Variants in TENM4 observed in about 807,000 individuals in gnomAD.
TENM4 encodes the protein teneurin-4.
Under a neutral mutation model 243.3 loss-of-function variants are expected in TENM4, and 82 were observed. The observed-to-expected ratio is 0.34, with a 90% CI of 0.28 to 0.40. The LOEUF (loss-of-function observed/expected upper bound fraction) is 0.40, where lower values mean the gene tolerates loss of function less well. TENM4 is among the 10% of genes least tolerant of loss of function. The probability of loss-of-function intolerance (pLI) is 1.00; values close to 1 mark genes in which losing one functional copy is unlikely to be tolerated. For missense variants in TENM4, 3,138 were observed against 3,673.3 expected (o/e 0.85, Z 3.77); for synonymous variants, 1,412 against 1,456.3 (o/e 0.97, Z 0.69).
intron 6 of TENM4, among the ~76,000 whole-genome samples, chr11:78,992,188 G>T (rs1287404473): frequency 6.6e-6 from 1 of 152,224 alleles, no homozygotes; most frequent in Non-Finnish European, 1.5e-5. Flanking sequence ...AGAACGAGCA[G>T]CTTCTAAGAG....
Position 78,805,338 on chromosome 11 carries a change from C to T in TENM4, c.2133G>A (p.Gly711=). Residue 711 remains glycine (G), a synonymous_variant, in exon 15 of 34, where the codon GGG becomes GGA. Coordinates refer to ENST00000278550, the MANE Select transcript of TENM4 (RefSeq NM_001098816.3). ...SGHGTFLPDT[G]LCSCDPSWTG... ...TCCAGCTTGGGTCACAGCTGCAAAG[C>T]CCGGTGTCCGGGAGGAAGGTTCCGT... is the stretch of plus-strand genomic sequence containing the variant. The T allele has an allele frequency of 1.4e-6, 2 of 1,406,296 alleles. No individual in the cohort carries two copies. The highest frequency in any genetic ancestry group is 9.3e-7 in the Non-Finnish European group (1 of 1,076,142). 87.1% of individuals were successfully genotyped at this position (1,406,296 alleles called of 1,614,324 possible).
chr11:78,934,503 G>T (rs1271158617), intron 6 of TENM4, among the ~76,000 whole-genome samples: 1 of 152,158 alleles, frequency 6.6e-6, no homozygotes, highest in Non-Finnish European at 1.5e-5. Context: ...GGTTAGACTG[G>T]CGGACCTGGA....
chr11:79,412,241 T>A (rs961050925), intron 1 of TENM4, among the ~76,000 whole-genome samples: 14 of 152,212 alleles, frequency 9.2e-5, no homozygotes, highest in Admixed American at 6.5e-4. Flanking sequence ...GCCTGCCACG[T>A]AAGGATAACC....
chr11:78,875,110 T>A (rs989951857), intron 9 of TENM4, among the ~76,000 whole-genome samples: 2 of 152,224 alleles, frequency 1.3e-5, no homozygotes, highest in Non-Finnish European at 2.9e-5. Flanking sequence ...TGAAGCACTT[T>A]GGGTGCAAAC....
At chr11:78,814,137 C>T (rs1189472273) in intron 13 of TENM4, among the ~76,000 whole-genome samples, 157 bp downstream of exon 13, 1 of 152,148 alleles carries the variant, frequency 6.6e-6, no homozygotes, top group Admixed American at 6.5e-5. Flanking sequence ...TCTGCCTGCA[C>T]ACCTCCCTCC....
intron 7 of TENM4, among the ~76,000 whole-genome samples, chr11:78,897,912 T>C (rs1855835618): frequency 6.6e-6 from 1 of 152,168 alleles, no homozygotes; most frequent in South Asian, 2.1e-4. Context: ...ACCCCAGGCT[T>C]CCCTACCAGG....
intron 4 of TENM4, 55 bp downstream of exon 4, chr11:79,148,655 A>G (rs1307896108): frequency 2.0e-6 from 1 of 508,364 alleles, no homozygotes; most frequent in African/African-American, 2.1e-5. Flanking sequence ...AAAAGAACCC[A>G]TAACATTAAC....
intron 7 of TENM4, among the ~76,000 whole-genome samples, chr11:78,892,283 A>G (rs1401798283): frequency 6.6e-6 from 1 of 152,186 alleles, no homozygotes; most frequent in Non-Finnish European, 1.5e-5. Context: ...CAGGACAGCT[A>G]TCACCTCACT....
chr11:78,771,247 C>A, intron 17 of TENM4, 109 bp from the exon 18 acceptor site: 10 of 1,329,434 alleles, frequency 7.5e-6, no homozygotes, highest in Non-Finnish European at 1.0e-5. Flanking sequence ...TCCATCAGCA[C>A]ACGAATGCCC....
rs954932199 is a variant in TENM4, at chr11:78,903,632, T to G, written c.494-109A>C. The G allele has an allele frequency of 7.4e-6, 11 of 1,483,822 alleles. No homozygotes were observed. The African/African-American group carries it at 1.4e-4, about 19-fold the overall frequency. The allele number at this position is 1,483,822 out of a possible 1,614,324, so 91.9% of individuals were successfully genotyped here. A position where few individuals can be genotyped will look rare whatever the true frequency, so the allele number is the denominator to read the frequency against. On this transcript the variant is annotated intron_variant, in intron 6 of 33. Transcript: ENST00000278550. ...ACCACAGAAGAGGGAGCCGGCAGATTATACATATTGATGCAGTCAATCAGT... is the reference window on the plus strand; with the variant it reads ...ACCACAGAAGAGGGAGCCGGCAGATGATACATATTGATGCAGTCAATCAGT...
intron 32 of TENM4, among the ~76,000 whole-genome samples, chr11:78,668,475 A>T (rs1302088534): frequency 6.6e-6 from 1 of 151,488 alleles, no homozygotes; most frequent in Non-Finnish European, 1.5e-5. Flanking sequence ...TTGAGAACTA[A>T]TTTTTTTTTA....
intron 9 of TENM4, among the ~76,000 whole-genome samples, chr11:78,883,390 T>A (rs1855480371): frequency 1.3e-5 from 2 of 152,172 alleles, no homozygotes; most frequent in Admixed American, 1.3e-4. Flanking sequence ...GTGCTGAGAT[T>A]TCTGCGGAGG....
In TENM4 at chr11:78,702,557, C is replaced by T. The variant is rs1479877289; in HGVS notation, c.4210-154G>A. The stretch of plus-strand genomic sequence containing the variant: ...CCTATCATCAACAATGAAGCGTCAG[C>T]CCCCTGATCACCGGGAAACCATGAA... On this transcript the variant is annotated intron_variant, in intron 27 of 33. Coordinates refer to ENST00000278550, the MANE Select transcript of TENM4 (RefSeq NM_001098816.3). 3.3e-5 allele frequency among the ~76,000 whole-genome samples: 5 copies of T among 152,210 alleles called. No homozygotes were observed. In the East Asian group the frequency reaches 9.6e-4, roughly 29 times the overall value.
At chr11:79,230,443 G>T (rs60681929) in intron 2 of TENM4, among the ~76,000 whole-genome samples, 4 of 152,090 alleles carry the variant, frequency 2.6e-5, no homozygotes, top group Non-Finnish European at 5.9e-5. Flanking sequence ...TCCAAGAACC[G>T]TCCCCAATAA....
chr11:79,268,161 A>G (rs1855911385), intron 2 of TENM4, among the ~76,000 whole-genome samples: 1 of 152,236 alleles, frequency 6.6e-6, no homozygotes, highest in African/African-American at 2.4e-5. Flanking sequence ...CAAAGAGAAA[A>G]TCTGGAGTAC....
intron 12 of TENM4, among the ~76,000 whole-genome samples, chr11:78,840,254 G>A (rs1591063048): frequency 6.6e-6 from 1 of 152,106 alleles, no homozygotes; most frequent in East Asian, 1.9e-4. Flanking sequence ...AGGTCACAGG[G>A]CTTTTTCTCA....
Position 78,669,163 on chromosome 11 carries a change from G to A in TENM4, c.7182C>T (p.Pro2394=). Reference sequence around the variant, plus strand: ...GGTAGCCTATGATGATCTGAAAGTTGGGGTTGGTATCCATGTAGATCTCCC... The same window carrying A: ...GGTAGCCTATGATGATCTGAAAGTTAGGGTTGGTATCCATGTAGATCTCCC... ...AYGEIYMDTN[P]NFQIIIGYHG... The change falls in exon 32 of 34, where the codon CCC becomes CCT. Residue 2394 remains proline (P), a synonymous_variant. Coordinates refer to ENST00000278550, the MANE Select transcript of TENM4 (RefSeq NM_001098816.3). The surrounding 1 kb of genome is among the most constrained non-coding windows in gnomAD (Gnocchi z 6.4). The A allele has an allele frequency of 6.2e-7, 1 of 1,613,838 alleles. No individual in the cohort carries two copies. The highest frequency in any genetic ancestry group is 8.5e-7 in the Non-Finnish European group (1 of 1,179,818).
At chr11:79,255,868 G>A (rs1473391688) in intron 2 of TENM4, among the ~76,000 whole-genome samples, 2 of 152,182 alleles carry the variant, frequency 1.3e-5, no homozygotes. Context: ...AAGAGAAAGT[G>A]GCCTGTCCTG....
At chr11:78,865,265 G>A (rs1258638595) in intron 9 of TENM4, among the ~76,000 whole-genome samples, 1 of 152,156 alleles carries the variant, frequency 6.6e-6, no homozygotes, top group African/African-American at 2.4e-5. Context: ...GAGAAACTAA[G>A]GCACAACAAG....
Sources: gnomAD v4.1 joint callset for allele counts (sites outside exome capture counted in the v4.1 genomes callset) on GRCh38, gnomAD v4.1.1 for gene constraint, Gnocchi (gnomAD v3.1) non-coding constraint, MANE v1.5 for transcripts, NCBI Gene and HGNC (gene_info 2026-07-23, HGNC 2026-07-21) for gene names.